Variants in THBS1 observed in about 807,000 individuals in gnomAD.
THBS1 encodes the protein thrombospondin 1.
A neutral mutation model predicts 126.1 loss-of-function variants in THBS1; 29 were observed. The observed-to-expected ratio is 0.23, with a 90% CI of 0.17 to 0.31. The LOEUF (loss-of-function observed/expected upper bound fraction) is 0.31, where lower values mean the gene tolerates loss of function less well. Ranked by LOEUF, THBS1 falls within the 10% of genes least tolerant of loss-of-function variation. The pLI is 1.00. For missense variants in THBS1, 1,198 were observed against 1,545.2 expected (o/e 0.78, Z 3.77); for synonymous variants, 496 against 577.8 (o/e 0.86, Z 2.03).
chr15:39,594,496 C>T lies in THBS1; in HGVS notation c.3505+56C>T, dbSNP rs1890393875. The T allele has an allele frequency of 3.8e-6, 6 of 1,592,288 alleles. No individual in the cohort carries two copies. The East Asian group carries it at 1.3e-4, about 36-fold the overall frequency. ...GGACATCTCTATTTCAGACTAATAT[C>T]AAGGATGACGGTTATGGGGGAGTCC... On this transcript the variant is annotated intron_variant, in intron 21 of 21. Coordinates refer to ENST00000260356, the MANE Select transcript of THBS1 (RefSeq NM_003246.4). The surrounding 1 kb of genome is among the most constrained non-coding windows in gnomAD (Gnocchi z 4.4).
rs41338344 is a variant in THBS1, at chr15:39,588,617, C to G, written c.1563C>G (p.Asn521Lys). The G allele has an allele frequency of 6.2e-7, 1 of 1,611,580 alleles. No homozygotes were observed. The highest frequency in any genetic ancestry group is 2.2e-5 in the East Asian group (1 of 44,852). ...AGAAACGTAGTCGTCTCTGCAACAA[C>G]CCCACACCCCAGTTTGGAGGCAAGG... Reference protein sequence around the residue: ...GVQKRSRLCNNPTPQFGGKDC... With the variant: ...GVQKRSRLCNKPTPQFGGKDC... Residue 521 changes from asparagine (N) to lysine (K), a missense_variant, in exon 10 of 22, where the codon AAC becomes AAG. Physicochemically the swap from Asn to Lys is moderately conservative, Grantham distance 94. Transcript: ENST00000260356.
In THBS1 at chr15:39,593,348, A is replaced by G. The variant is rs755186012; in HGVS notation, c.2996-49A>G. 19 of 1,613,078 alleles carry G rather than the reference A, an allele frequency of 1.2e-5. No homozygotes were observed. Among genetic ancestry groups the G allele is most frequent in the Non-Finnish European group, 1.6e-5 (19 of 1,179,524 alleles). On this transcript the variant is annotated intron_variant, in intron 18 of 21. Coordinates refer to ENST00000260356, the MANE Select transcript of THBS1 (RefSeq NM_003246.4). This position sits in a 1 kb window ranked among gnomAD's most constrained non-coding sequence, Gnocchi z 5.9. ...AGGATGTCTAGGAACATGATGGAGA[A>G]CCTTCTGAAGGCTGCAGGTTTTAAC...
Position 39,589,517 on chromosome 15 carries a change from A to C in THBS1, c.1926+163A>C, listed in dbSNP as rs904400971. Among the ~76,000 whole-genome samples, 3 of 152,204 alleles carry C rather than the reference A, an allele frequency of 2.0e-5. No individual in the cohort carries two copies. The highest frequency in any genetic ancestry group is 7.2e-5 in the African/African-American group (3 of 41,458). Reference sequence around the variant, plus strand: ...GAAACGTGATTAGAAAATCCATGGTAAATCCTGCAGGGGAAAAACAGTCTT... The same window carrying C: ...GAAACGTGATTAGAAAATCCATGGTCAATCCTGCAGGGGAAAAACAGTCTT... On this transcript the variant is annotated intron_variant, in intron 12 of 21. Transcript: ENST00000260356. The surrounding 1 kb of genome is among the most constrained non-coding windows in gnomAD (Gnocchi z 4.7).
chr15:39,587,977 A>G, intron 8 of THBS1, 65 bp from the exon 9 acceptor site: 2 of 1,503,806 alleles, frequency 1.3e-6, no homozygotes, highest in South Asian at 2.4e-5. Flanking sequence ...CGTGCTCCTG[A>G]TGGGAGCCTC....
chr15:39,594,101 G>A lies in THBS1; in HGVS notation c.3270G>A (p.Val1090=), dbSNP rs754026384. The part of the protein sequence containing the change: ...LWHTGNTPGQ[V]RTLWHDPRHI... ...CTTTCCTTTTCCTTTTCCTTCAGGT[G>A]CGCACCCTGTGGCATGACCCTCGTC... is the stretch of plus-strand genomic sequence containing the variant. Residue 1090 remains valine (V), a splice_region_variant and synonymous_variant, in exon 20 of 22, where the codon GTG becomes GTA. Coordinates refer to ENST00000260356, the MANE Select transcript of THBS1 (RefSeq NM_003246.4). This position sits in a 1 kb window ranked among gnomAD's most constrained non-coding sequence, Gnocchi z 4.4. 9.9e-6 allele frequency: 16 copies of A among 1,613,378 alleles called. No homozygotes were observed. Among genetic ancestry groups the A allele is most frequent in the Admixed American group, 1.7e-5 (1 of 59,960 alleles).
chr15:39,592,120 A>G lies in THBS1; in HGVS notation c.2533-448A>G, dbSNP rs552989842. Among the ~76,000 whole-genome samples the G allele has an allele frequency of 1.5e-4, 23 of 152,256 alleles. No homozygotes were observed. The highest frequency in any genetic ancestry group is 2.9e-5 in the Non-Finnish European group (2 of 68,050). Reference sequence around the variant, plus strand: ...ACATTACCCAGACAGTATACAACACAGGGACCAGTGGTCTGTTTCCATCTT... The same window carrying G: ...ACATTACCCAGACAGTATACAACACGGGGACCAGTGGTCTGTTTCCATCTT... On this transcript the variant is annotated intron_variant, in intron 16 of 21. Coordinates refer to ENST00000260356, the MANE Select transcript of THBS1 (RefSeq NM_003246.4). This position sits in a 1 kb window ranked among gnomAD's most constrained non-coding sequence, Gnocchi z 4.3.
Position 39,589,805 on chromosome 15 carries a change from G to A in THBS1, c.1927G>A (p.Val643Met), listed in dbSNP as rs754884985. The change falls in exon 13 of 22, where the codon GTG (valine) becomes ATG (methionine). Residue 643 changes from valine to methionine, a missense_variant and splice_region_variant. Physicochemically the swap from Val to Met is conservative, Grantham distance 21 (BLOSUM62 1). Transcript: ENST00000260356. This position sits in a 1 kb window ranked among gnomAD's most constrained non-coding sequence, Gnocchi z 4.7. ...TAACAGCAGCATGGTGTACCCTCAG[G>A]TGTGCAAGCCCCGTAACCCCTGCAC... is the stretch of plus-strand genomic sequence containing the variant. ...GVEHATANKQ[V>M]CKPRNPCTDG... 7 of 1,605,550 alleles carry A rather than the reference G, an allele frequency of 4.4e-6. No individual in the cohort carries two copies. The highest frequency in any genetic ancestry group is 3.4e-5 in the Admixed American group (2 of 59,280).
At chr15:39,584,509 A>T in intron 6 of THBS1, 87 bp downstream of exon 6, 1 of 1,539,484 alleles carries the variant, frequency 6.5e-7, no homozygotes, top group African/African-American at 1.4e-5. Context: ...CGCCACAGAG[A>T]TTCTTTTTAT....
At position 39,590,601 on chromosome 15, in the gene THBS1, A is replaced by G. The variant is rs1457894471; in HGVS notation, c.2231A>G (p.Asn744Ser). ...IGDACDDDDD[N>S]DKIPDDRDNC... is the part of the protein sequence containing the mutation. ...GATGCCTGTGATGATGACGATGACA[A>G]TGATAAAATTCCAGATGACAGGGTA... Residue 744 changes from asparagine to serine, a missense_variant, in exon 14 of 22, where the codon AAT (asparagine) becomes AGT (serine). By Grantham distance (46) the Asn-to-Ser change is conservative. Coordinates refer to ENST00000260356, the MANE Select transcript of THBS1 (RefSeq NM_003246.4). The G allele has an allele frequency of 2.5e-6, 4 of 1,613,902 alleles. No homozygotes were observed. The highest frequency in any genetic ancestry group is 3.4e-6 in the Non-Finnish European group (4 of 1,179,978).
chr15:39,593,322 G>A lies in THBS1; in HGVS notation c.2996-75G>A. The A allele has an allele frequency of 6.2e-7, 1 of 1,612,416 alleles. No individual in the cohort carries two copies. The highest frequency in any genetic ancestry group is 8.5e-7 in the Non-Finnish European group (1 of 1,178,726). ...AGTTGTACCTATCCCTGTGGGTGCTGAGGATGTCTAGGAACATGATGGAGA... is the reference window on the plus strand; with the variant it reads ...AGTTGTACCTATCCCTGTGGGTGCTAAGGATGTCTAGGAACATGATGGAGA... On this transcript the variant is annotated intron_variant, in intron 18 of 21. Transcript: ENST00000260356. The surrounding 1 kb of genome is among the most constrained non-coding windows in gnomAD (Gnocchi z 5.9).
At chr15:39,584,233 T>A in intron 5 of THBS1, 46 bp downstream of exon 5, 1 of 1,614,002 alleles carries the variant, frequency 6.2e-7, no homozygotes, top group Non-Finnish European at 8.5e-7. Flanking sequence ...CCCTGGAAGG[T>A]TTATCGCAGA....
In THBS1 at chr15:39,593,044, A is replaced by G. The variant is rs772123939; in HGVS notation, c.2812A>G (p.Ser938Gly). Residue 938 changes from serine (S) to glycine (G), a missense_variant, in exon 18 of 22, where the codon AGT becomes GGT. Coordinates refer to ENST00000260356, the MANE Select transcript of THBS1 (RefSeq NM_003246.4). The surrounding 1 kb of genome is among the most constrained non-coding windows in gnomAD (Gnocchi z 5.9). ...DACKDDFDHD[S>G]VPDIDDICPE... is the part of the protein sequence containing the mutation. ...CTGCAAAGATGATTTTGACCATGAC[A>G]GTGTGCCAGACATCGATGACATCTG... is the stretch of plus-strand genomic sequence containing the variant. 5 of 1,610,696 alleles carry G rather than the reference A, an allele frequency of 3.1e-6. No individual in the cohort carries two copies. The South Asian group carries it at 3.3e-5, about 11-fold the overall frequency.
At position 39,591,202 on chromosome 15, in the gene THBS1, A is replaced by G. The variant is rs1379662884; in HGVS notation, c.2265A>G (p.Pro755=). 4 of 1,613,866 alleles carry G rather than the reference A, an allele frequency of 2.5e-6. No individual in the cohort carries two copies. The Admixed American group carries it at 5.0e-5, about 20-fold the overall frequency. The change falls in exon 15 of 22, where the codon CCA becomes CCG. Residue 755 remains proline (P), a synonymous_variant. Transcript: ENST00000260356. ...TCTTCTCTTTGCAGGACAACTGTCC[A>G]TTCCATTACAACCCAGCTCAGTATG... is the stretch of plus-strand genomic sequence containing the variant. ...DKIPDDRDNC[P]FHYNPAQYDY...
In THBS1 at chr15:39,584,029, G is replaced by A. The variant is rs888390754; in HGVS notation, c.745G>A (p.Gly249Ser). Reference protein sequence around the residue: ...LLTLDNNVVNGSSPAIRTNYI... With the variant: ...LLTLDNNVVNSSSPAIRTNYI... ...CACCCTTGACAACAACGTGGTGAAT[G>A]GTTCCAGCCCTGCCATCCGCACTAA... Residue 249 changes from glycine (G) to serine (S), a missense_variant, in exon 5 of 22, where the codon GGT becomes AGT. Gly to Ser is a moderately conservative substitution (Grantham distance 56). This residue lies in a region of THBS1 where 663 missense variants were observed against 860.1 expected (regional missense o/e 0.77). Coordinates refer to ENST00000260356, the MANE Select transcript of THBS1 (RefSeq NM_003246.4). 1 of 1,614,222 alleles carries A rather than the reference G, an allele frequency of 6.2e-7. No homozygotes were observed. The highest frequency in any genetic ancestry group is 1.7e-5 in the Admixed American group (1 of 60,026).
rs1434898024 is a variant in THBS1, at chr15:39,598,251, G to C, written c.*2882G>C. On this transcript the variant is annotated 3_prime_UTR_variant, in exon 22 of 22. Coordinates refer to ENST00000260356, the MANE Select transcript of THBS1 (RefSeq NM_003246.4). Reference sequence around the variant, plus strand: ...TTGAGGTCTATTAAACACTAGAAAGGACTGGCTGGGTGAGATAAAATCTTC... The same window carrying C: ...TTGAGGTCTATTAAACACTAGAAAGCACTGGCTGGGTGAGATAAAATCTTC... 1.3e-5 allele frequency: 2 copies of C among 152,172 alleles called. No individual in the cohort carries two copies. Among genetic ancestry groups the C allele is most frequent in the Non-Finnish European group, 2.9e-5 (2 of 68,038 alleles). The allele number at this position is 152,172 out of a possible 1,614,324, so 9.4% of individuals were successfully genotyped here.
chr15:39,595,997 G>A lies in THBS1; in HGVS notation c.*628G>A. The A allele has an allele frequency of 1.0e-5, 4 of 389,436 alleles. No homozygotes were observed. Among genetic ancestry groups the A allele is most frequent in the South Asian group, 1.9e-5 (1 of 52,632 alleles). The allele number at this position is 389,436 out of a possible 1,614,324, so 24.1% of individuals were successfully genotyped here. A position where few individuals can be genotyped will look rare whatever the true frequency, so the allele number is the denominator to read the frequency against. ...GTAAATAGGCACTTAAATAGAAGCAGGAAAGGGAGACAAAGACTGGCTTCT... is the reference window on the plus strand; with the variant it reads ...GTAAATAGGCACTTAAATAGAAGCAAGAAAGGGAGACAAAGACTGGCTTCT... On this transcript the variant is annotated 3_prime_UTR_variant, in exon 22 of 22. Transcript: ENST00000260356.
Position 39,593,094 on chromosome 15 carries a change from G to C in THBS1, c.2862G>C (p.Glu954Asp), listed in dbSNP as rs752314698. The change falls in exon 18 of 22, where the codon GAG becomes GAC. Residue 954 changes from glutamate to aspartate, a missense_variant. Coordinates refer to ENST00000260356, the MANE Select transcript of THBS1 (RefSeq NM_003246.4). The surrounding 1 kb of genome is among the most constrained non-coding windows in gnomAD (Gnocchi z 5.9). ...DICPENVDIS[E>D]TDFRRFQMIP... ...GTCCTGAGAATGTTGACATCAGTGA[G>C]ACCGATTTCCGCCGATTCCAGATGA... The C allele has an allele frequency of 1.3e-6, 2 of 1,599,120 alleles. No homozygotes were observed. Among genetic ancestry groups the C allele is most frequent in the East Asian group, 2.2e-5 (1 of 44,844 alleles).
rs1302355405 is a variant in THBS1 at position 39,594,972 on chromosome 15, A to G, written c.3506-390A>G. Among the ~76,000 whole-genome samples the G allele has an allele frequency of 1.3e-5, 2 of 152,230 alleles. No homozygotes were observed. Among genetic ancestry groups the G allele is most frequent in the East Asian group, 3.8e-4 (2 of 5,200 alleles). Reference sequence around the variant, plus strand: ...TCCAACACTGGCTCTACCACAAAATAAGTGCTTAATATATATTTACTGGGC... The same window carrying G: ...TCCAACACTGGCTCTACCACAAAATGAGTGCTTAATATATATTTACTGGGC... On this transcript the variant is annotated intron_variant, in intron 21 of 21. Transcript: ENST00000260356. This position sits in a 1 kb window ranked among gnomAD's most constrained non-coding sequence, Gnocchi z 4.4.
chr15:39,595,223 C>A, intron 21 of THBS1, 139 bp from the exon 22 acceptor site: 2 of 511,986 alleles, frequency 3.9e-6, no homozygotes, highest in Non-Finnish European at 3.3e-6. Flanking sequence ...TGCTAATGTG[C>A]TTGAACAACC....
Sources: allele counts gnomAD v4.1 joint callset (sites outside exome capture counted in the v4.1 genomes callset), GRCh38; gene constraint gnomAD v4.1.1; regional missense constraint gnomAD v4.1.1; non-coding constraint Gnocchi (gnomAD v3.1); transcripts MANE v1.5; gene names NCBI Gene and HGNC (gene_info 2026-07-23, HGNC 2026-07-21).